PM20D2: variants seen among roughly 807,000 people sequenced by gnomAD.
PM20D2 encodes xaa-Arg dipeptidase.
A neutral mutation model predicts 42.9 loss-of-function variants in PM20D2; 33 were observed. That is an observed-to-expected ratio of 0.77 (90% confidence interval 0.58 to 1.03). The LOEUF (loss-of-function observed/expected upper bound fraction) is 1.03, where lower values mean the gene tolerates loss of function less well. Among genes scored for constraint, PM20D2 ranks in the 50% least tolerant of loss-of-function variants. The pLI, the probability that PM20D2 is intolerant of heterozygous loss-of-function variation, is 0.00. For synonymous variants in PM20D2, 250 were observed against 228.2 expected (o/e 1.10, Z -0.86); for missense variants, 548 against 557.0 (o/e 0.98, Z 0.16).
upstream of PM20D2, among the ~76,000 whole-genome samples, chr6:89,141,877 T>C (rs10223350): frequency 0.36 from 55,031 of 152,068 alleles, 10,941 homozygotes; most frequent in African/African-American, 0.54. Context: ...CAATCATGCT[T>C]ACTGTAGCTT....
In PM20D2 at chr6:89,154,760, ATGG is replaced by A; in HGVS notation, c.776_778del (p.Gly259del). 6.5e-7 allele frequency: 1 copy of A among 1,541,168 alleles called. No individual in the cohort carries two copies. Among genetic ancestry groups the A allele is most frequent in the South Asian group, 1.2e-5 (1 of 80,262 alleles). ...GTTCTTTTTATAGGTATAATAAAAA[ATGG>A]TGGTGTAAAACCCAATATCATTCCC... On this transcript the variant is annotated inframe_deletion, in exon 4 of 7. Coordinates refer to ENST00000275072, the MANE Select transcript of PM20D2 (RefSeq NM_001010853.3).
intron 1 of PM20D2, among the ~76,000 whole-genome samples, chr6:89,148,969 G>A (rs913037685): frequency 1.3e-5 from 2 of 152,184 alleles, no homozygotes; most frequent in African/African-American, 4.8e-5. Flanking sequence ...AATTTTGAGG[G>A]ACTAAACTTG....
the PM20D2 span, among the ~76,000 whole-genome samples, chr6:89,131,027 A>T: frequency 4.0e-4 from 61 of 151,670 alleles, 2 homozygotes; most frequent in South Asian, 0.012. Flanking sequence ...CTGGAAGCTG[A>T]AAAGTTCAAG....
the PM20D2 span, among the ~76,000 whole-genome samples, chr6:89,100,274 G>C: frequency 1.0e-3 from 156 of 152,294 alleles, no homozygotes; most frequent in African/African-American, 3.7e-3. Flanking sequence ...AGAGATTAGA[G>C]TTCAAACTCC....
At chr6:89,124,119 T>C in the PM20D2 span, among the ~76,000 whole-genome samples, 1 of 152,324 alleles carries the variant, frequency 6.6e-6, no homozygotes, top group East Asian at 1.9e-4. Context: ...TGCTCTCTCT[T>C]ATAAAAGGGA....
the PM20D2 span, among the ~76,000 whole-genome samples, chr6:89,102,649 A>G: frequency 6.6e-6 from 1 of 152,200 alleles, no homozygotes. Context: ...GTTGAGGAGC[A>G]ATTTTAACAC....
chr6:89,105,457 C>G, the PM20D2 span: 1 of 1,610,832 alleles, frequency 6.2e-7, no homozygotes, highest in Non-Finnish European at 8.5e-7. Flanking sequence ...AACTGTATTT[C>G]AATCTGACGG....
At chr6:89,141,972 T>G (rs553680620), upstream of PM20D2, among the ~76,000 whole-genome samples, 4 of 150,776 alleles carry the variant, frequency 2.7e-5, no homozygotes, top group South Asian at 8.3e-4. Flanking sequence ...CTTGGCTTAT[T>G]TACTATTTAT....
At chr6:89,136,850 TCAGA>T in the PM20D2 span, among the ~76,000 whole-genome samples, 1 of 151,180 alleles carries the variant, frequency 6.6e-6, no homozygotes, top group Non-Finnish European at 1.5e-5. Flanking sequence ...CAAAGGGATG[TCAGA>T]CAATTTCTCT....
At chr6:89,149,106 C>T (rs1367956976) in intron 1 of PM20D2, among the ~76,000 whole-genome samples, 159 bp from the exon 2 acceptor site, 1 of 152,162 alleles carries the variant, frequency 6.6e-6, no homozygotes, top group Non-Finnish European at 1.5e-5. Flanking sequence ...AATTTAGCAC[C>T]ATTTGTTGAT....
the PM20D2 span, chr6:89,098,360 A>T: frequency 2.2e-6 from 1 of 451,398 alleles, no homozygotes; most frequent in Non-Finnish European, 3.7e-6. Flanking sequence ...AATGGTCCAT[A>T]AAATGGTGAC....
chr6:89,098,722 T>G, the PM20D2 span: 2 of 1,613,954 alleles, frequency 1.2e-6, no homozygotes, highest in South Asian at 1.1e-5. Flanking sequence ...CAGAATGTCT[T>G]CCATGTGATC....
At chr6:89,118,281 C>G in the PM20D2 span, among the ~76,000 whole-genome samples, 14 of 152,126 alleles carry the variant, frequency 9.2e-5, no homozygotes, top group Non-Finnish European at 2.9e-5. Context: ...GCGGGGACGC[C>G]GGGGGTTAGA....
the PM20D2 span, among the ~76,000 whole-genome samples, chr6:89,122,908 A>G: frequency 5.9e-5 from 9 of 152,318 alleles, no homozygotes; most frequent in South Asian, 2.1e-4. Flanking sequence ...TCTATTACCT[A>G]TGTACTTTGG....
At position 89,146,286 on chromosome 6, in the gene PM20D2, C is replaced by T. The variant is rs1029468614; in HGVS notation, c.142C>T (p.Gln48Ter). Residue 48 changes from glutamine to a stop codon, truncating the protein, a stop_gained, in exon 1 of 7, where the codon CAG (glutamine) becomes TAG (stop). Coordinates refer to ENST00000275072, the MANE Select transcript of PM20D2 (RefSeq NM_001010853.3). LOFTEE classifies it high-confidence loss of function. ...LGALSRAIWS[Q>*]PELAYEEHHA... ...GGCCCTGAGCCGCGCGATCTGGAGC[C>T]AGCCCGAGCTGGCCTACGAGGAGCA... The T allele has an allele frequency of 3.8e-6, 6 of 1,581,830 alleles. No individual in the cohort carries two copies. The highest frequency in any genetic ancestry group is 5.1e-6 in the Non-Finnish European group (6 of 1,172,264).
At chr6:89,095,956 G>T in the PM20D2 span, 2 of 152,154 alleles carry the variant, frequency 1.3e-5, no homozygotes, top group African/African-American at 4.8e-5. Flanking sequence ...GATCACAGAT[G>T]TCTAAAATTA....
At chr6:89,098,794 C>A in the PM20D2 span, 1 of 1,613,942 alleles carries the variant, frequency 6.2e-7, no homozygotes. Flanking sequence ...TTCCTATTGA[C>A]TTGGACCTCT....
chr6:89,145,566 G>A (rs1023765217), upstream of PM20D2, among the ~76,000 whole-genome samples: 5 of 152,184 alleles, frequency 3.3e-5, no homozygotes, highest in Non-Finnish European at 5.9e-5. Context: ...GAAAACTGTA[G>A]AGAGTAGCTG....
the PM20D2 span, among the ~76,000 whole-genome samples, chr6:89,130,391 G>A: frequency 2.0e-5 from 3 of 151,044 alleles, no homozygotes; most frequent in African/African-American, 4.9e-5. Context: ...AAGCCACTGT[G>A]CCTGGCCAAA....
Sources: gnomAD v4.1 joint callset for allele counts (sites outside exome capture counted in the v4.1 genomes callset) on GRCh38, gnomAD v4.1.1 for gene constraint, MANE v1.5 for transcripts, NCBI Gene and HGNC (gene_info 2026-07-23, HGNC 2026-07-21) for gene names.